Variants in TMEM108 observed in about 807,000 individuals in gnomAD.
The protein encoded by TMEM108 is transmembrane protein 108.
In TMEM108, 12 loss-of-function variants were observed where a neutral mutation model predicts 35.1. That is an observed-to-expected ratio of 0.34 (90% CI 0.22 to 0.55). The LOEUF is 0.55. Ranked by LOEUF, TMEM108 falls within the 20% of genes least tolerant of loss-of-function variation. The probability of loss-of-function intolerance (pLI) is 0.89; values close to 1 mark genes in which losing one functional copy is unlikely to be tolerated. For synonymous variants in TMEM108, 287 were observed against 308.6 expected, an observed-to-expected ratio of 0.93 and a Z score of 0.73; for missense variants, 680 against 753.3, an observed-to-expected ratio of 0.90 and a Z score of 1.14.
chr3:133,317,346 T>G (rs2071212313), intron 3 of TMEM108, among the ~76,000 whole-genome samples: 1 of 152,218 alleles, frequency 6.6e-6, no homozygotes, highest in Non-Finnish European at 1.5e-5. Context: ...TTTTACCACC[T>G]TTACTAAGTC....
intron 3 of TMEM108, chr3:133,246,433 C>G (rs947122704): frequency 6.6e-5 from 10 of 151,676 alleles, no homozygotes; most frequent in African/African-American, 2.4e-4. Flanking sequence ...TTGGTGAATC[C>G]TTTTAATACC....
At chr3:133,152,821 C>G (rs1201146114) in intron 2 of TMEM108, among the ~76,000 whole-genome samples, 1 of 152,090 alleles carries the variant, frequency 6.6e-6, no homozygotes. Context: ...TTTCTGCCAG[C>G]TCTTAAAATT....
At chr3:133,119,288 G>A (rs928409976) in intron 2 of TMEM108, 1 of 151,510 alleles carries the variant, frequency 6.6e-6, no homozygotes, top group Non-Finnish European at 1.5e-5. Context: ...CCCACTCTCC[G>A]GTTCCATTCA....
rs532557090 is a variant in TMEM108 at position 133,175,282 on chromosome 3, C to T, written c.-46-53984C>T. The stretch of plus-strand genomic sequence containing the variant: ...ATATTATCCAGGAGAACTTCCCCAA[C>T]CTAGCAAGGCAGGCCAACATTCAAT... On this transcript the variant is annotated intron_variant, in intron 2 of 5. Transcript: ENST00000321871. Among the ~76,000 whole-genome samples the T allele has an allele frequency of 7.3e-3, 1,111 of 152,186 alleles. 16 individuals are homozygous for T. Among genetic ancestry groups the T allele is most frequent in the African/African-American group, 0.025 (1,056 of 41,512 alleles).
At chr3:133,164,776 A>C (rs1945012633) in intron 2 of TMEM108, among the ~76,000 whole-genome samples, 1 of 152,170 alleles carries the variant, frequency 6.6e-6, no homozygotes, top group Non-Finnish European at 1.5e-5. Context: ...AAATGATAGA[A>C]GAGTCACTTC....
intron 3 of TMEM108, among the ~76,000 whole-genome samples, chr3:133,331,128 AAAG>A (rs1298635973): frequency 5.3e-5 from 8 of 152,208 alleles, no homozygotes; most frequent in African/African-American, 1.7e-4. Context: ...CATAAAGTAA[AAAG>A]AAGCAGTTGT....
intron 5 of TMEM108, among the ~76,000 whole-genome samples, chr3:133,391,582 T>C (rs1048986998): frequency 6.6e-6 from 1 of 152,102 alleles, no homozygotes; most frequent in East Asian, 1.9e-4. Context: ...CACACCCCTC[T>C]CCCCATCTTT....
intron 2 of TMEM108, among the ~76,000 whole-genome samples, chr3:133,131,829 A>G (rs1231127262): frequency 6.6e-6 from 1 of 152,164 alleles, no homozygotes; most frequent in Admixed American, 6.5e-5. Context: ...CACACAAATG[A>G]TAAGAAAGCA....
chr3:133,144,010 A>G (rs1944678634), intron 2 of TMEM108, among the ~76,000 whole-genome samples: 1 of 147,890 alleles, frequency 6.8e-6, no homozygotes, highest in Non-Finnish European at 1.5e-5. Flanking sequence ...TCTGGGGTAC[A>G]TGTGCAGAAC....
At chr3:133,133,384 TTTAA>T (rs1399544897) in intron 2 of TMEM108, among the ~76,000 whole-genome samples, 3 of 152,330 alleles carry the variant, frequency 2.0e-5, no homozygotes, top group East Asian at 3.9e-4. Flanking sequence ...ATAAATTATT[TTTAA>T]TTAAGGTATG....
intron 2 of TMEM108, among the ~76,000 whole-genome samples, chr3:133,198,128 A>G (rs1429779010): frequency 1.3e-5 from 2 of 152,194 alleles, no homozygotes; most frequent in African/African-American, 4.8e-5. Context: ...GTATTGATAA[A>G]TGGTACCTGG....
intron 3 of TMEM108, among the ~76,000 whole-genome samples, chr3:133,300,227 T>A (rs1326651705): frequency 1.3e-5 from 2 of 151,800 alleles, no homozygotes; most frequent in Admixed American, 6.6e-5. Context: ...GTAAAATGAG[T>A]AAGTAAATAA....
chr3:133,371,484 G>A (rs115664359), intron 3 of TMEM108, among the ~76,000 whole-genome samples: 65 of 152,200 alleles, frequency 4.3e-4, no homozygotes, highest in African/African-American at 1.5e-3. Flanking sequence ...GGGCTGCTCA[G>A]ACTTCCTCGC....
At position 133,287,369 on chromosome 3, in the gene TMEM108, T is replaced by C. The variant is rs190933722; in HGVS notation, c.40+58018T>C. 3.3e-5 allele frequency among the ~76,000 whole-genome samples: 5 copies of C among 152,316 alleles called. No individual in the cohort carries two copies. The East Asian group carries it at 9.6e-4, about 29-fold the overall frequency. Reference sequence around the variant, plus strand: ...AAAACTGGGTTTAAACAAAGCACCATGGATTAGTCAAGTATCTAATGCAGT... The same window carrying C: ...AAAACTGGGTTTAAACAAAGCACCACGGATTAGTCAAGTATCTAATGCAGT... On this transcript the variant is annotated intron_variant, in intron 3 of 5. Coordinates refer to ENST00000321871, the MANE Select transcript of TMEM108 (RefSeq NM_023943.4).
At position 133,067,252 on chromosome 3, in the gene TMEM108, A is replaced by G. The variant is rs1049237677; in HGVS notation, c.-47+21232A>G. ...AAGAGATTTCTGCTCCCACTAGTGT[A>G]AGAGGAGCTCGTGTGCTTCACAGCC... On this transcript the variant is annotated intron_variant, in intron 2 of 5. Coordinates refer to ENST00000321871, the MANE Select transcript of TMEM108 (RefSeq NM_023943.4). 6.6e-5 allele frequency among the ~76,000 whole-genome samples: 10 copies of G among 152,300 alleles called. No homozygotes were observed. In the East Asian group the frequency reaches 1.9e-3, roughly 29 times the overall value.
chr3:133,164,322 T>C (rs1188920713), intron 2 of TMEM108, among the ~76,000 whole-genome samples: 3 of 152,182 alleles, frequency 2.0e-5, no homozygotes, highest in African/African-American at 7.2e-5. Flanking sequence ...TTCAGGTAAT[T>C]GAACACACAC....
intron 5 of TMEM108, among the ~76,000 whole-genome samples, chr3:133,392,829 C>T (rs936117732): frequency 5.9e-5 from 9 of 152,322 alleles, no homozygotes; most frequent in East Asian, 5.8e-4. Context: ...TCTCCTCCCT[C>T]GCACCATGAG....
At chr3:133,280,239 A>G (rs1946894285) in intron 3 of TMEM108, among the ~76,000 whole-genome samples, 1 of 152,166 alleles carries the variant, frequency 6.6e-6, no homozygotes, top group Non-Finnish European at 1.5e-5. Flanking sequence ...CATGTAGGAA[A>G]AATTACACGG....
intron 2 of TMEM108, among the ~76,000 whole-genome samples, chr3:133,126,006 C>T (rs953112990): frequency 6.6e-6 from 1 of 152,170 alleles, no homozygotes; most frequent in African/African-American, 2.4e-5. Context: ...TGACTGACAT[C>T]AATTAACTAA....
Sources: allele counts gnomAD v4.1 joint callset (sites outside exome capture counted in the v4.1 genomes callset), GRCh38; gene constraint gnomAD v4.1.1; transcripts MANE v1.5; gene names NCBI Gene and HGNC (gene_info 2026-07-23, HGNC 2026-07-21).